The following DLC1 variants were observed in gnomAD, a reference collection of about 807,000 sequenced individuals.
The protein encoded by DLC1 is rho GTPase-activating protein 7.
Under a neutral mutation model 140.3 loss-of-function variants are expected in DLC1, and 54 were observed. The ratio of observed to expected loss-of-function variants is 0.38; its 90% CI spans 0.31 to 0.48. DLC1 has a LOEUF of 0.48. Ranked by LOEUF, DLC1 falls within the 20% of genes least tolerant of loss-of-function variation. The pLI is 0.96. For missense variants in DLC1, 2,536 were observed against 1,907.0 expected, an observed-to-expected ratio of 1.33 and a Z score of -6.14; for synonymous variants, 986 against 728.1, an observed-to-expected ratio of 1.35 and a Z score of -5.70.
chr8:13,205,010 G>A (rs1314717255), intron 5 of DLC1, among the ~76,000 whole-genome samples: 1 of 151,974 alleles, frequency 6.6e-6, no homozygotes, highest in African/African-American at 2.4e-5. Context: ...CCTGAATTTG[G>A]CCAGTCTTGC....
chr8:13,409,667 C>T (rs1035722538), intron 2 of DLC1, among the ~76,000 whole-genome samples: 14 of 152,124 alleles, frequency 9.2e-5, no homozygotes, highest in South Asian at 2.1e-4. Context: ...GTATATCAGA[C>T]GAAACCCTTG....
At chr8:13,427,083 G>A (rs752785409) in intron 2 of DLC1, among the ~76,000 whole-genome samples, 8 of 151,900 alleles carry the variant, frequency 5.3e-5, no homozygotes, top group African/African-American at 1.9e-4. Flanking sequence ...GTTTTGTTTT[G>A]TCATTTTAGA....
intron 5 of DLC1, among the ~76,000 whole-genome samples, chr8:13,173,300 C>A (rs954433854): frequency 4.0e-5 from 6 of 151,328 alleles, no homozygotes; most frequent in African/African-American, 1.2e-4. Context: ...ATTTCGAGAG[C>A]AGTCTAATTA....
rs537940020 is a variant in DLC1 at position 13,228,139 on chromosome 8, G to A, written c.1348+77130C>T. On this transcript the variant is annotated intron_variant, in intron 5 of 17. Transcript: ENST00000276297. ...ATTATTGTTGGAACAAAACTCAAGT[G>A]ACCATGATGGCTTTACTAACTAAGC... 1.6e-4 allele frequency among the ~76,000 whole-genome samples: 24 copies of A among 152,212 alleles called. No homozygotes were observed. In the South Asian group the frequency reaches 4.8e-3, roughly 30 times the overall value.
chr8:13,365,000 C>G (rs1835415621), intron 4 of DLC1, among the ~76,000 whole-genome samples: 1 of 152,218 alleles, frequency 6.6e-6, no homozygotes, highest in Non-Finnish European at 1.5e-5. Flanking sequence ...CATGGTAAAT[C>G]TTTGCCCACA....
rs1295711834 is a variant in DLC1 at position 13,562,921 on chromosome 8, A to AT, written c.-126+41615_-126+41616insA. On this transcript the variant is annotated intron_variant, in intron 1 of 1. Coordinates refer to the DLC1 transcript ENST00000631382. ...TTTTTAAGAAAAAAACAAAAAAAAA[A>AT]CGCCATAAAGCAATGTGTAGAGTAT... Among the ~76,000 whole-genome samples, 3 of 151,192 alleles carry AT rather than the reference A, an allele frequency of 2.0e-5. No homozygotes were observed. The East Asian group carries it at 5.9e-4, about 30-fold the overall frequency.
intron 1 of DLC1, among the ~76,000 whole-genome samples, chr8:13,598,196 A>T (rs1200550604): frequency 1.3e-5 from 2 of 152,168 alleles, no homozygotes; most frequent in African/African-American, 4.8e-5. Flanking sequence ...GTATAAAAAT[A>T]AAATGGGATA....
At chr8:13,119,174 G>C (rs937969563) in intron 5 of DLC1, among the ~76,000 whole-genome samples, 1 of 149,746 alleles carries the variant, frequency 6.7e-6, no homozygotes, top group African/African-American at 2.5e-5. Flanking sequence ...GCTGCAGTGA[G>C]CTGTGACCAC....
At chr8:13,459,430 A>T (rs936559352) in intron 2 of DLC1, among the ~76,000 whole-genome samples, 1 of 152,220 alleles carries the variant, frequency 6.6e-6, no homozygotes, top group African/African-American at 2.4e-5. Flanking sequence ...AAGTTGTGAA[A>T]GAAAGGTTTT....
intron 5 of DLC1, among the ~76,000 whole-genome samples, chr8:13,278,352 C>T (rs1003111677): frequency 9.9e-5 from 15 of 152,140 alleles, no homozygotes; most frequent in Admixed American, 9.2e-4. Context: ...CACCTTGAAG[C>T]GTGTTGAATC....
chr8:13,285,282 G>A (rs1014090255), intron 5 of DLC1, among the ~76,000 whole-genome samples: 1 of 152,058 alleles, frequency 6.6e-6, no homozygotes. Flanking sequence ...CTAATGGAGG[G>A]GAGATAATCT....
intron 2 of DLC1, among the ~76,000 whole-genome samples, chr8:13,445,125 G>A (rs1011725825): frequency 1.3e-5 from 2 of 152,022 alleles, no homozygotes; most frequent in Non-Finnish European, 1.5e-5. Flanking sequence ...CAAAGAGGGC[G>A]AAAGGAAGAG....
At chr8:13,239,861 G>C (rs1324457998) in intron 5 of DLC1, among the ~76,000 whole-genome samples, 2 of 152,172 alleles carry the variant, frequency 1.3e-5, no homozygotes, top group Admixed American at 1.3e-4. Context: ...TTACAAAGTG[G>C]CTTGAAGTCC....
intron 4 of DLC1, among the ~76,000 whole-genome samples, chr8:13,385,846 A>T (rs148727778): frequency 1.6e-3 from 240 of 152,350 alleles, no homozygotes; most frequent in African/African-American, 5.3e-3. Flanking sequence ...CTGGGACAGA[A>T]TTAATTATCA....
At chr8:13,104,599 A>AG (rs1819400101) in intron 7 of DLC1, among the ~76,000 whole-genome samples, 2 of 152,162 alleles carry the variant, frequency 1.3e-5, no homozygotes, top group South Asian at 4.1e-4. Flanking sequence ...ACATTTTCAT[A>AG]AGATCAGATC....
chr8:13,573,555 C>G lies in DLC1; in HGVS notation c.-126+30982G>C, dbSNP rs112429143. Reference sequence around the variant, plus strand: ...CTGATCTTAGGGAAGAACTTGCAGTCTTTGACCACTGGGAATGATTTTACT... The same window carrying G: ...CTGATCTTAGGGAAGAACTTGCAGTGTTTGACCACTGGGAATGATTTTACT... On this transcript the variant is annotated intron_variant, in intron 1 of 1. Coordinates refer to the DLC1 transcript ENST00000631382. Among the ~76,000 whole-genome samples, 48 of 152,272 alleles carry G rather than the reference C, an allele frequency of 3.2e-4. 1 individual carries two copies. Among genetic ancestry groups the G allele is most frequent in the African/African-American group, 1.0e-3 (42 of 41,568 alleles).
chr8:13,193,486 T>G (rs960968338), intron 5 of DLC1, among the ~76,000 whole-genome samples: 1 of 152,158 alleles, frequency 6.6e-6, no homozygotes, highest in South Asian at 2.1e-4. Context: ...AGTACAGATA[T>G]AAAGAGCATA....
chr8:13,385,254 AAAC>A (rs1260380230), intron 4 of DLC1, among the ~76,000 whole-genome samples: 3 of 152,320 alleles, frequency 2.0e-5, no homozygotes, highest in South Asian at 2.1e-4. Context: ...TGAATAAAGA[AAAC>A]AACAACAGTA....
intron 4 of DLC1, among the ~76,000 whole-genome samples, chr8:13,310,635 CTCT>C (rs1158636197): frequency 6.6e-6 from 1 of 152,210 alleles, no homozygotes; most frequent in South Asian, 2.1e-4. Context: ...TTGTTTTCAT[CTCT>C]TCTTCATTTA....
Sources: allele counts gnomAD v4.1 joint callset (sites outside exome capture counted in the v4.1 genomes callset), GRCh38; gene constraint gnomAD v4.1.1; transcripts MANE v1.5; gene names NCBI Gene and HGNC (gene_info 2026-07-23, HGNC 2026-07-21).